STRADA: variants seen among roughly 807,000 people sequenced by gnomAD.
STRADA encodes STE20 related adaptor alpha, also known as STE20-related kinase adapter protein alpha.
Under a neutral mutation model 55.0 loss-of-function variants are expected in STRADA, and 26 were observed. The ratio of observed to expected loss-of-function variants is 0.47; its 90% CI spans 0.35 to 0.66. The LOEUF (loss-of-function observed/expected upper bound fraction) is 0.66, where lower values mean the gene tolerates loss of function less well. STRADA is among the 30% of genes least tolerant of loss of function. STRADA has a pLI of 0.01. For missense variants in STRADA, 443 were observed against 549.7 expected (o/e 0.81, Z 1.94); for synonymous variants, 197 against 210.9 (o/e 0.93, Z 0.57).
intron 1 of STRADA, among the ~76,000 whole-genome samples, chr17:63,729,539 C>T (rs529880986): frequency 6.6e-6 from 1 of 152,060 alleles, no homozygotes; most frequent in African/African-American, 2.4e-5. Flanking sequence ...AATCCCAGCA[C>T]TTTGGGAGGC....
chr17:63,715,334 T>C (rs1278555411), intron 4 of STRADA: 1 of 152,116 alleles, frequency 6.6e-6, no homozygotes, highest in Non-Finnish European at 1.5e-5. Context: ...CCAAGGAGAT[T>C]ATGTGACTTG....
chr17:63,709,990 T>C (rs1472204196), intron 8 of STRADA, among the ~76,000 whole-genome samples: 1 of 150,632 alleles, frequency 6.6e-6, no homozygotes, highest in Non-Finnish European at 1.5e-5. Flanking sequence ...TAAGTGACCA[T>C]CTCCCAAGTC....
chr17:63,718,025 T>G (rs1250212249), intron 4 of STRADA, among the ~76,000 whole-genome samples: 1 of 152,086 alleles, frequency 6.6e-6, no homozygotes, highest in Non-Finnish European at 1.5e-5. Context: ...AACCTCAATC[T>G]CCCAGGCTCA....
At chr17:63,740,143 T>TAC (rs763523792) in intron 1 of STRADA, among the ~76,000 whole-genome samples, 6,359 of 46,040 alleles carry the variant, frequency 0.14, 635 homozygotes, top group Non-Finnish European at 0.15. Flanking sequence ...TACATATATA[T>TAC]ATATACACAC....
intron 1 of STRADA, among the ~76,000 whole-genome samples, chr17:63,728,636 C>T (rs998231477): frequency 6.6e-6 from 1 of 150,916 alleles, no homozygotes; most frequent in Non-Finnish European, 1.5e-5. Context: ...TGGTGGTTCA[C>T]GTCTGTAATC....
chr17:63,736,869 A>C (rs912726937), intron 1 of STRADA, among the ~76,000 whole-genome samples: 2 of 138,998 alleles, frequency 1.4e-5, no homozygotes, highest in African/African-American at 5.5e-5. Flanking sequence ...TCAAGCAGAA[A>C]GGCAACCAAA....
chr17:63,715,107 A>G (rs909450409), intron 4 of STRADA: 2 of 152,266 alleles, frequency 1.3e-5, no homozygotes, highest in African/African-American at 4.8e-5. Context: ...ACTACCCAGA[A>G]GAGCACGAGC....
intron 5 of STRADA, 34 bp from the exon 6 acceptor site, chr17:63,713,561 A>C: frequency 6.3e-7 from 1 of 1,599,662 alleles, no homozygotes; most frequent in Non-Finnish European, 8.5e-7. Context: ...ACGCAAGGAC[A>C]AGAACAACAA....
intron 8 of STRADA, 177 bp from the exon 9 acceptor site, chr17:63,707,595 CTG>C: frequency 3.1e-6 from 2 of 636,844 alleles, no homozygotes; most frequent in Non-Finnish European, 5.3e-6. Flanking sequence ...GAGTCTCACT[CTG>C]TCACCCGGCT....
intron 12 of STRADA, 28 bp downstream of exon 12, chr17:63,703,971 TAGAACC>T (rs3830487): frequency 1.9e-6 from 3 of 1,611,496 alleles, no homozygotes; most frequent in Admixed American, 1.7e-5. Context: ...GAACCAGAAC[TAGAACC>T]AGAACCAGAA....
chr17:63,716,745 A>C (rs2036916041), intron 4 of STRADA, among the ~76,000 whole-genome samples: 1 of 152,182 alleles, frequency 6.6e-6, no homozygotes, highest in African/African-American at 2.4e-5. Context: ...GGCACTGAGA[A>C]ATTCTGTAGT....
rs1225122413 is a variant in STRADA at position 63,741,725 on chromosome 17, C to G, written c.-45+16G>C. Reference sequence around the variant, plus strand: ...CTGGCCCCGGCAGCGTACCAGGCACCCCGCCAGGCAGGTACCTGTTCCTGG... The same window carrying G: ...CTGGCCCCGGCAGCGTACCAGGCACGCCGCCAGGCAGGTACCTGTTCCTGG... On this transcript the variant is annotated intron_variant, in intron 1 of 12. Transcript: ENST00000336174. 1 of 152,426 alleles carries G rather than the reference C, an allele frequency of 6.6e-6. No individual in the cohort carries two copies. The highest frequency in any genetic ancestry group is 1.5e-5 in the Non-Finnish European group (1 of 68,188). The allele number at this position is 152,426 out of a possible 1,614,324, so 9.4% of individuals were successfully genotyped here.
At chr17:63,721,099 C>T (rs537086334) in intron 4 of STRADA, among the ~76,000 whole-genome samples, 78 of 150,492 alleles carry the variant, frequency 5.2e-4, no homozygotes, top group Non-Finnish European at 8.1e-4. Context: ...TCCGGCTGGG[C>T]GTGGTGGCTC....
intron 4 of STRADA, among the ~76,000 whole-genome samples, chr17:63,714,858 C>T (rs576029780): frequency 4.6e-5 from 7 of 152,354 alleles, no homozygotes; most frequent in Non-Finnish European, 8.8e-5. Context: ...GTGCAAAACA[C>T]ACGGCAGACC....
Position 63,704,782 on chromosome 17 carries a change from C to T in STRADA, c.859-200G>A, listed in dbSNP as rs2035969035. The T allele has an allele frequency of 3.9e-6, 6 of 1,534,238 alleles. No individual in the cohort carries two copies. In the South Asian group the frequency reaches 6.0e-5, roughly 15 times the overall value. On this transcript the variant is annotated intron_variant, in intron 10 of 12. Coordinates refer to ENST00000336174, the MANE Select transcript of STRADA (RefSeq NM_001003787.4). ...ACTGGCGTGGCAGCTCCGCCCTAGC[C>T]AGGCCAACGTGAAAGGAGAGGGGTT... is the stretch of plus-strand genomic sequence containing the variant.
rs5821401 is a variant in STRADA at position 63,713,000 on chromosome 17, CAA to C, written c.348+404_348+405del. ...TGGGTGACAGAGTGAGAATCCGTCTCAAAAAAAAAAAAAAAGAAAAGAAAAAG... is the reference window on the plus strand; with the variant it reads ...TGGGTGACAGAGTGAGAATCCGTCTCAAAAAAAAAAAAAGAAAAGAAAAAG... On this transcript the variant is annotated intron_variant, in intron 6 of 12. Transcript: ENST00000336174. Among the ~76,000 whole-genome samples the C allele has an allele frequency of 9.4e-3, 1,180 of 125,478 alleles. 20 individuals carry two copies. Among genetic ancestry groups the C allele is most frequent in the African/African-American group, 0.032 (1,105 of 34,080 alleles). The allele number at this position is 125,478 out of a possible 152,430, so 82.3% of individuals were successfully genotyped here.
intron 1 of STRADA, among the ~76,000 whole-genome samples, chr17:63,740,183 C>CA (rs1555712418): frequency 6.4e-5 from 9 of 140,474 alleles, no homozygotes; most frequent in South Asian, 2.3e-4. Context: ...CACACACACA[C>CA]AACAAAGCAA....
At position 63,720,173 on chromosome 17, in the gene STRADA, AT is replaced by A. The variant is rs55889977; in HGVS notation, c.123+3124del. 6.6e-3 allele frequency among the ~76,000 whole-genome samples: 948 copies of A among 142,984 alleles called. 8 individuals are homozygous for A. Among genetic ancestry groups the A allele is most frequent in the African/African-American group, 0.021 (797 of 38,764 alleles). The allele number at this position is 142,984 out of a possible 152,430, so 93.8% of individuals were successfully genotyped here. The stretch of plus-strand genomic sequence containing the variant: ...AGGTATATGCCACCATGCCAAGCTA[AT>A]TTTTTTTTTTTTTAATTAGGGACAG... On this transcript the variant is annotated intron_variant, in intron 4 of 12. Coordinates refer to ENST00000336174, the MANE Select transcript of STRADA (RefSeq NM_001003787.4).
At chr17:63,713,773 G>C (rs749117048) in intron 5 of STRADA, among the ~76,000 whole-genome samples, 9 of 151,876 alleles carry the variant, frequency 5.9e-5, no homozygotes, top group African/African-American at 2.2e-4. Flanking sequence ...CCAGGACACC[G>C]GAAACATGGC....
Sources: allele counts gnomAD v4.1 joint callset (sites outside exome capture counted in the v4.1 genomes callset), GRCh38; gene constraint gnomAD v4.1.1; transcripts MANE v1.5; gene names NCBI Gene and HGNC (gene_info 2026-07-23, HGNC 2026-07-21).